Variants in MYRIP observed in about 807,000 individuals in gnomAD.
The protein encoded by MYRIP is myosin VIIA and Rab interacting protein.
A neutral mutation model predicts 98.0 loss-of-function variants in MYRIP; 49 were observed. The ratio of observed to expected loss-of-function variants is 0.50; its 90% CI spans 0.40 to 0.63. The LOEUF is 0.63. Among genes scored for constraint, MYRIP ranks in the 30% least tolerant of loss-of-function variants. The pLI is 0.00. For synonymous variants in MYRIP, 404 were observed against 409.5 expected (o/e 0.99, Z 0.16); for missense variants, 1,004 against 1,058.2 (o/e 0.95, Z 0.71).
chr3:40,083,430 T>A (rs1948524993), intron 3 of MYRIP, among the ~76,000 whole-genome samples: 1 of 152,194 alleles, frequency 6.6e-6, no homozygotes, highest in African/African-American at 2.4e-5. Flanking sequence ...TTCTTCCTTC[T>A]TCCTTTTTCC....
chr3:40,033,397 A>AAAATCACAAG (rs1373813098), intron 2 of MYRIP, among the ~76,000 whole-genome samples: 1 of 152,106 alleles, frequency 6.6e-6, no homozygotes, highest in Non-Finnish European at 1.5e-5. Context: ...TCAATGTACA[A>AAAATCACAAG]AAATCACAAG....
chr3:40,013,052 A>G (rs893294920), intron 2 of MYRIP, among the ~76,000 whole-genome samples: 4 of 151,772 alleles, frequency 2.6e-5, no homozygotes, highest in African/African-American at 7.3e-5. Flanking sequence ...CCCTTTTTGC[A>G]TTTCTTGCCG....
rs1327598033 is a variant in MYRIP, at chr3:39,856,344, T to C, written c.-30-44443T>C. On this transcript the variant is annotated intron_variant, in intron 1 of 16. Transcript: ENST00000302541. ...TGGGAGCTGCACATTAGCCCTGCCT[T>C]CTATCCACCTTCTTCCCCGCTCCCT... 2.0e-5 allele frequency among the ~76,000 whole-genome samples: 3 copies of C among 152,200 alleles called. No individual in the cohort carries two copies. The East Asian group carries it at 5.8e-4, about 29-fold the overall frequency.
At chr3:39,952,845 A>T (rs1330581611) in intron 2 of MYRIP, among the ~76,000 whole-genome samples, 2 of 152,094 alleles carry the variant, frequency 1.3e-5, no homozygotes, top group African/African-American at 4.8e-5. Flanking sequence ...GGACTTTGCA[A>T]TTGCCACTGA....
At chr3:39,890,270 G>A (rs1390772204) in intron 1 of MYRIP, among the ~76,000 whole-genome samples, 3 of 151,484 alleles carry the variant, frequency 2.0e-5, no homozygotes, top group African/African-American at 4.9e-5. Context: ...CTCACTTCTC[G>A]TGCATGCCTT....
At chr3:39,907,365 A>G (rs1389149928) in intron 2 of MYRIP, among the ~76,000 whole-genome samples, 1 of 152,224 alleles carries the variant, frequency 6.6e-6, no homozygotes, top group African/African-American at 2.4e-5. Flanking sequence ...GCATATTCCC[A>G]GTGCCTTCTG....
chr3:40,175,172 A>G (rs1428864309), intron 8 of MYRIP, among the ~76,000 whole-genome samples: 1 of 152,146 alleles, frequency 6.6e-6, no homozygotes, highest in Non-Finnish European at 1.5e-5. Context: ...TGTTATTGGG[A>G]TGGAGAGCTT....
At chr3:39,864,249 G>C (rs1394103628) in intron 1 of MYRIP, among the ~76,000 whole-genome samples, 1 of 152,088 alleles carries the variant, frequency 6.6e-6, no homozygotes, top group African/African-American at 2.4e-5. Context: ...ACAAAACAAG[G>C]ATGCCCTTTC....
chr3:39,920,625 T>C (rs752467610), intron 2 of MYRIP, among the ~76,000 whole-genome samples: 1 of 152,218 alleles, frequency 6.6e-6, no homozygotes, highest in Admixed American at 6.5e-5. Flanking sequence ...AAAGCATTTC[T>C]ATATAGAGAA....
intron 3 of MYRIP, among the ~76,000 whole-genome samples, chr3:40,092,700 G>A (rs1426476697): frequency 1.3e-5 from 2 of 152,190 alleles, no homozygotes; most frequent in African/African-American, 4.8e-5. Context: ...TACATAGTAG[G>A]AGATGAGATG....
At chr3:40,223,481 A>T (rs370646493) in intron 11 of MYRIP, among the ~76,000 whole-genome samples, 1 of 152,246 alleles carries the variant, frequency 6.6e-6, no homozygotes. Flanking sequence ...GGTCAAAAAA[A>T]GACAGCTTTT....
At chr3:39,957,811 G>C (rs1374768910) in intron 2 of MYRIP, among the ~76,000 whole-genome samples, 1 of 152,198 alleles carries the variant, frequency 6.6e-6, no homozygotes, top group East Asian at 1.9e-4. Flanking sequence ...TCCGTAAGCT[G>C]ATAAGCAACT....
chr3:39,993,582 C>G (rs182555913), intron 2 of MYRIP, among the ~76,000 whole-genome samples: 25 of 152,308 alleles, frequency 1.6e-4, no homozygotes, highest in Non-Finnish European at 3.4e-4. Flanking sequence ...GCCTGGCAAT[C>G]CTAAACCATG....
chr3:40,238,498 G>C (rs1952888074), intron 12 of MYRIP: 1 of 152,248 alleles, frequency 6.6e-6, no homozygotes, highest in African/African-American at 2.4e-5. Context: ...GTCAGAAATA[G>C]AAACGGTGAC....
intron 3 of MYRIP, among the ~76,000 whole-genome samples, chr3:40,107,784 G>T (rs1479643038): frequency 6.6e-6 from 1 of 152,176 alleles, no homozygotes; most frequent in African/African-American, 2.4e-5. Flanking sequence ...TAAACTAACT[G>T]ACTGCATTTT....
intron 10 of MYRIP, among the ~76,000 whole-genome samples, chr3:40,198,661 A>C (rs1047618463): frequency 1.3e-5 from 2 of 152,204 alleles, no homozygotes; most frequent in Non-Finnish European, 2.9e-5. Context: ...TCAGGATCAC[A>C]GGAGGCTGTT....
chr3:39,974,532 T>A (rs2125749617), intron 2 of MYRIP, among the ~76,000 whole-genome samples: 1 of 152,210 alleles, frequency 6.6e-6, no homozygotes, highest in Non-Finnish European at 1.5e-5. Flanking sequence ...AAAGAGGGAA[T>A]CCTCCCTAAC....
At chr3:39,961,960 C>A (rs1409815812) in intron 2 of MYRIP, among the ~76,000 whole-genome samples, 3 of 152,064 alleles carry the variant, frequency 2.0e-5, no homozygotes, top group Non-Finnish European at 4.4e-5. Flanking sequence ...AAAATTATCC[C>A]TATATGATCC....
chr3:39,871,563 T>C (rs1043290208), intron 1 of MYRIP, among the ~76,000 whole-genome samples: 1 of 152,278 alleles, frequency 6.6e-6, no homozygotes, highest in East Asian at 1.9e-4. Context: ...TTTAACTGTC[T>C]TTCGACTCAA....
Sources: gnomAD v4.1 joint callset for allele counts (sites outside exome capture counted in the v4.1 genomes callset) on GRCh38, gnomAD v4.1.1 for gene constraint, MANE v1.5 for transcripts, NCBI Gene and HGNC (gene_info 2026-07-23, HGNC 2026-07-21) for gene names.